INO80: variants seen among roughly 807,000 people sequenced by gnomAD.
The protein encoded by INO80 is INO80 complex ATPase subunit.
A neutral mutation model predicts 203.4 loss-of-function variants in INO80; 20 were observed. That is an observed-to-expected ratio of 0.10 (90% CI 0.07 to 0.14). The LOEUF is 0.14. Ranked by LOEUF, INO80 falls within the 10% of genes least tolerant of loss-of-function variation. The pLI is 1.00. For missense variants in INO80, 1,419 were observed against 1,914.4 expected (o/e 0.74, Z 4.83); for synonymous variants, 726 against 685.2 (o/e 1.06, Z -0.93).
At chr15:41,030,504 C>T (rs1238465727) in intron 24 of INO80, among the ~76,000 whole-genome samples, 1 of 152,080 alleles carries the variant, frequency 6.6e-6, no homozygotes, top group East Asian at 1.9e-4. Context: ...GGTGGGCCTA[C>T]AGGTGCGCAC....
At chr15:40,992,798 CTCTT>C (rs1280722354) in intron 29 of INO80, among the ~76,000 whole-genome samples, 1 of 152,164 alleles carries the variant, frequency 6.6e-6, no homozygotes, top group Non-Finnish European at 1.5e-5. Context: ...CAGAGCCTTT[CTCTT>C]TTTTTCTTGA....
intron 20 of INO80, 37 bp downstream of exon 20, chr15:41,049,898 A>G (rs199931993): frequency 4.0e-5 from 63 of 1,571,862 alleles, no homozygotes; most frequent in South Asian, 2.5e-4. Flanking sequence ...CAAAAAACAA[A>G]AAACAAAACT....
intron 18 of INO80, among the ~76,000 whole-genome samples, chr15:41,054,950 T>A (rs2044956216): frequency 6.6e-6 from 1 of 152,120 alleles, no homozygotes; most frequent in African/African-American, 2.4e-5. Flanking sequence ...TATGAATTTT[T>A]CAAGATCTAA....
intron 28 of INO80, among the ~76,000 whole-genome samples, chr15:40,998,901 T>A (rs1421589114): frequency 1.3e-5 from 2 of 151,680 alleles, no homozygotes; most frequent in Admixed American, 1.3e-4. Flanking sequence ...GTGATGCACG[T>A]GCCTCAGCCT....
chr15:40,980,353 A>G lies in INO80; in HGVS notation c.4541T>C (p.Leu1514Ser), dbSNP rs778781296. Residue 1514 changes from leucine (L) to serine (S), a missense_variant, in exon 36 of 36, where the codon TTG (leucine) becomes TCG (serine). By Grantham distance (145) the Leu-to-Ser change is moderately radical. This residue lies in a region of INO80 where 112 missense variants were observed against 106.2 expected (regional missense o/e 1.05). Coordinates refer to ENST00000648947, the MANE Select transcript of INO80 (RefSeq NM_017553.3). Reference sequence around the variant, plus strand: ...ATTTCCCTTGCTCAAAGGGGAACTCAAAGGAGAAGAGGCGCTTGAAGGTCC... The same window carrying G: ...ATTTCCCTTGCTCAAAGGGGAACTCGAAGGAGAAGAGGCGCTTGAAGGTCC... ...DFGPSSASSP[L>S]SSPLSKGNNV... 3.7e-6 allele frequency: 6 copies of G among 1,614,042 alleles called. No individual in the cohort carries two copies. Among genetic ancestry groups the G allele is most frequent in the African/African-American group, 2.7e-5 (2 of 75,044 alleles).
intron 1 of INO80, among the ~76,000 whole-genome samples, chr15:41,113,552 G>A (rs2045986890): frequency 6.6e-6 from 1 of 152,174 alleles, no homozygotes; most frequent in Admixed American, 6.5e-5. Context: ...ACAGGCGTGA[G>A]CCACCGCACC....
intron 29 of INO80, among the ~76,000 whole-genome samples, chr15:40,992,526 A>T (rs1008869474): frequency 1.3e-5 from 2 of 152,244 alleles, no homozygotes; most frequent in East Asian, 3.8e-4. Flanking sequence ...TAGGTTGATT[A>T]ATCTCTTCCT....
intron 1 of INO80, among the ~76,000 whole-genome samples, chr15:41,099,389 A>G (rs2045774275): frequency 6.6e-6 from 1 of 151,992 alleles, no homozygotes; most frequent in South Asian, 2.1e-4. Context: ...TACCAAAAAT[A>G]TATTCAAAAT....
At chr15:41,112,170 G>A (rs2045967563) in intron 1 of INO80, among the ~76,000 whole-genome samples, 1 of 152,072 alleles carries the variant, frequency 6.6e-6, no homozygotes, top group Non-Finnish European at 1.5e-5. Flanking sequence ...CCAAAGTGCT[G>A]GGATTACAGG....
intron 24 of INO80, 113 bp from the exon 25 acceptor site, chr15:41,027,849 A>C (rs2044400003): frequency 1.4e-6 from 1 of 708,326 alleles, no homozygotes. Flanking sequence ...TTCCCTGTAA[A>C]TACTATTAAT....
At chr15:41,068,703 C>T (rs2045262480) in intron 14 of INO80, among the ~76,000 whole-genome samples, 1 of 151,356 alleles carries the variant, frequency 6.6e-6, no homozygotes, top group Non-Finnish European at 1.5e-5. Context: ...ATTAAAAATA[C>T]AAAACAATTA....
At chr15:41,096,116 T>C (rs2045719595) in intron 2 of INO80, 52 bp downstream of exon 2, 5 of 1,530,736 alleles carry the variant, frequency 3.3e-6, no homozygotes, top group Admixed American at 2.1e-5. Flanking sequence ...TCTGTAAGGA[T>C]GATGGAAATC....
intron 1 of INO80, among the ~76,000 whole-genome samples, chr15:41,106,672 T>G (rs953315337): frequency 6.6e-6 from 1 of 152,194 alleles, no homozygotes. Context: ...GGTGCACTCC[T>G]AGGTGTTGTT....
intron 25 of INO80, among the ~76,000 whole-genome samples, chr15:41,026,280 C>T (rs776973731): frequency 1.3e-5 from 2 of 152,088 alleles, no homozygotes; most frequent in Admixed American, 6.6e-5. Flanking sequence ...AGGCTGGGCA[C>T]GGTGGCTCAC....
intron 30 of INO80, 108 bp from the exon 31 acceptor site, chr15:40,987,301 T>C: frequency 3.2e-6 from 2 of 622,844 alleles, no homozygotes; most frequent in South Asian, 4.1e-5. Flanking sequence ...GGGAGGCCTC[T>C]GGTTTCCTAT....
intron 20 of INO80, 47 bp downstream of exon 20, chr15:41,049,888 C>CA (rs2044838272): frequency 1.3e-6 from 2 of 1,551,570 alleles, no homozygotes; most frequent in East Asian, 2.3e-5. Flanking sequence ...AATTCTATCT[C>CA]AAAAAACAAA....
At chr15:41,007,152 T>C (rs1053622350) in intron 27 of INO80, among the ~76,000 whole-genome samples, 1 of 151,024 alleles carries the variant, frequency 6.6e-6, no homozygotes, top group African/African-American at 2.4e-5. Flanking sequence ...AAAGGTAGGC[T>C]TCCTGCACAG....
At chr15:41,083,692 C>T (rs1377662322) in intron 7 of INO80, among the ~76,000 whole-genome samples, 2 of 118,956 alleles carry the variant, frequency 1.7e-5, no homozygotes, top group Non-Finnish European at 3.2e-5. Context: ...CCAGCCAGGG[C>T]AAGAGACGAG....
intron 9 of INO80, among the ~76,000 whole-genome samples, chr15:41,079,305 A>C (rs1314885091): frequency 6.6e-6 from 1 of 152,174 alleles, no homozygotes; most frequent in South Asian, 2.1e-4. Flanking sequence ...ATGAATTAAA[A>C]GCTACTTTCT....
Sources: gnomAD v4.1 joint callset for allele counts (sites outside exome capture counted in the v4.1 genomes callset) on GRCh38, gnomAD v4.1.1 for gene constraint, gnomAD v4.1.1 regional missense constraint, MANE v1.5 for transcripts, NCBI Gene and HGNC (gene_info 2026-07-23, HGNC 2026-07-21) for gene names.